The following CD300E variants were observed in gnomAD, a reference collection of about 807,000 sequenced individuals.
The protein encoded by CD300E is CMRF35-like molecule 2.
CD300E carries 14 observed loss-of-function variants against 20.9 expected under a neutral mutation model. The ratio of observed to expected loss-of-function variants is 0.67; its 90% CI spans 0.44 to 1.05. CD300E has a LOEUF of 1.05. Among genes scored for constraint, CD300E ranks in the 50% least tolerant of loss-of-function variants. CD300E has a pLI of 0.00. For synonymous variants in CD300E, 102 were observed against 103.7 expected (o/e 0.98, Z 0.10); for missense variants, 237 against 253.9 (o/e 0.93, Z 0.45).
At chr17:74,623,503 G>A (rs780748011) in intron 1 of CD300E, 79 bp downstream of exon 1, 8 of 1,439,840 alleles carry the variant, frequency 5.6e-6, no homozygotes, top group Admixed American at 3.7e-5. Flanking sequence ...TTCACCTCTG[G>A]TTTGAACCCA....
Position 74,617,077 on chromosome 17 carries a change from C to A in CD300E, c.388+41G>T, listed in dbSNP as rs529737411. 170 of 1,563,250 alleles carry A rather than the reference C, an allele frequency of 1.1e-4. 2 individuals are homozygous for A. The South Asian group carries it at 1.8e-3, about 17-fold the overall frequency. On this transcript the variant is annotated intron_variant, in intron 2 of 3. Coordinates refer to ENST00000392619, the MANE Select transcript of CD300E (RefSeq NM_181449.3). ...GCCCACCCTTGTTCCCTTGTCCAGT[C>A]GCACCCCAAACCCTGCTGCCAAAGT...
rs2143363331 is a variant in CD300E, at chr17:74,617,145, C to T, written c.361G>A (p.Asp121Asn). 6.2e-7 allele frequency: 1 copy of T among 1,614,214 alleles called. No individual in the cohort carries two copies. The highest frequency in any genetic ancestry group is 8.5e-7 in the Non-Finnish European group (1 of 1,180,044). The change falls in exon 2 of 4, where the codon GAC (aspartate) becomes AAC (asparagine). Residue 121 changes from aspartate (D) to asparagine (N), a missense_variant. By Grantham distance (23) the Asp-to-Asn change is conservative. Transcript: ENST00000392619. ...GGGGAAACATACACCCTAACCAGGT[C>T]CGAGGGATCGCGTGACCATGAATCC... ...VLDSWSRDPS[D>N]LVRVYVSPAI...
intron 1 of CD300E, among the ~76,000 whole-genome samples, chr17:74,622,826 C>T (rs1012720000): frequency 1.1e-4 from 17 of 152,122 alleles, no homozygotes; most frequent in African/African-American, 4.1e-4. Flanking sequence ...CAACCTCCGC[C>T]TCCCAAGTTC....
Position 74,612,622 on chromosome 17 carries a change from G to T in CD300E, c.*31C>A. On this transcript the variant is annotated 3_prime_UTR_variant, in exon 4 of 4. Transcript: ENST00000392619. The stretch of plus-strand genomic sequence containing the variant: ...CCTGCACGGGGCACTCCTGGGGATG[G>T]GGCTCTGCAGGGCTTCGGGTCAGCC... 4 of 1,610,474 alleles carry T rather than the reference G, an allele frequency of 2.5e-6. No individual in the cohort carries two copies. Among genetic ancestry groups the T allele is most frequent in the Non-Finnish European group, 2.5e-6 (3 of 1,179,138 alleles).
At chr17:74,622,445 G>A (rs1212165328) in intron 1 of CD300E, among the ~76,000 whole-genome samples, 3 of 152,018 alleles carry the variant, frequency 2.0e-5, no homozygotes, top group Non-Finnish European at 1.5e-5. Context: ...CCTTTAAATC[G>A]CTGTCATTTT....
Position 74,617,434 on chromosome 17 carries a change from C to A in CD300E, c.72G>T (p.Val24=). 6.2e-7 allele frequency: 1 copy of A among 1,613,860 alleles called. No individual in the cohort carries two copies. The highest frequency in any genetic ancestry group is 1.1e-5 in the South Asian group (1 of 91,066). The stretch of plus-strand genomic sequence containing the variant: ...TCAGAGAGTCCCCCGCAGTGCCAGT[C>A]ACAGAGCCGGGGCCCTTCAGAGACA... ...GCLSLKGPGS[V]TGTAGDSLTV... Residue 24 remains valine, a synonymous_variant, in exon 2 of 4, where the codon GTG becomes GTT. Transcript: ENST00000392619.
intron 2 of CD300E, 22 bp from the exon 3 acceptor site, chr17:74,614,055 C>A: frequency 6.3e-7 from 1 of 1,584,678 alleles, no homozygotes; most frequent in Non-Finnish European, 8.7e-7. Flanking sequence ...GAAAATGATG[C>A]ATCAGCCGTG....
At chr17:74,620,341 G>C (rs951597644) in intron 1 of CD300E, among the ~76,000 whole-genome samples, 2 of 152,126 alleles carry the variant, frequency 1.3e-5, no homozygotes, top group African/African-American at 4.8e-5. Flanking sequence ...GCATAGTGGC[G>C]GGGGCCTATA....
rs2030808054 is a variant in CD300E at position 74,612,609 on chromosome 17, A to C, written c.*44T>G. On this transcript the variant is annotated 3_prime_UTR_variant, in exon 4 of 4. Coordinates refer to ENST00000392619, the MANE Select transcript of CD300E (RefSeq NM_181449.3). ...GAAAGGTTGACTCCCTGCACGGGGC[A>C]CTCCTGGGGATGGGGCTCTGCAGGG... The C allele has an allele frequency of 6.2e-7, 1 of 1,606,340 alleles. No homozygotes were observed. Among genetic ancestry groups the C allele is most frequent in the Non-Finnish European group, 8.5e-7 (1 of 1,177,702 alleles).
chr17:74,623,322 G>A (rs934169443), intron 1 of CD300E, among the ~76,000 whole-genome samples: 1 of 152,192 alleles, frequency 6.6e-6, no homozygotes, highest in Non-Finnish European at 1.5e-5. Context: ...TTGTATTGTA[G>A]TTAGTTGACT....
intron 2 of CD300E, among the ~76,000 whole-genome samples, chr17:74,616,545 A>G (rs1029909838): frequency 2.0e-5 from 3 of 152,108 alleles, no homozygotes; most frequent in Non-Finnish European, 4.4e-5. Flanking sequence ...CTTGTCAAGC[A>G]CAGGTAGAGG....
intron 1 of CD300E, chr17:74,619,304 G>A (rs1200385883): frequency 2.8e-6 from 1 of 352,992 alleles, no homozygotes; most frequent in Non-Finnish European, 5.7e-6. Flanking sequence ...GGAGAGCTTG[G>A]GGTTGTTCTT....
intron 2 of CD300E, among the ~76,000 whole-genome samples, chr17:74,615,079 C>T (rs536931524): frequency 4.6e-5 from 7 of 152,330 alleles, no homozygotes; most frequent in East Asian, 1.9e-4. Flanking sequence ...CATAAACAGA[C>T]GGACTCACTT....
chr17:74,619,908 C>A (rs2030984462), intron 1 of CD300E, among the ~76,000 whole-genome samples: 3 of 152,196 alleles, frequency 2.0e-5, no homozygotes. Context: ...CCAAACCTAG[C>A]AAATCTGGAA....
chr17:74,613,744 C>T (rs1330200347), intron 3 of CD300E, among the ~76,000 whole-genome samples, 181 bp downstream of exon 3: 1 of 152,190 alleles, frequency 6.6e-6, no homozygotes, highest in Non-Finnish European at 1.5e-5. Flanking sequence ...AAGGCGTTCA[C>T]AGCACAAGTG....
chr17:74,615,614 G>A (rs73995683), intron 2 of CD300E, among the ~76,000 whole-genome samples: 1,533 of 152,194 alleles, frequency 0.01, 23 homozygotes, highest in African/African-American at 0.034. Context: ...TAGACAGGGC[G>A]ACCAACTTTC....
chr17:74,620,486 T>C (rs1392324796), intron 1 of CD300E, among the ~76,000 whole-genome samples: 1 of 151,616 alleles, frequency 6.6e-6, no homozygotes, highest in East Asian at 1.9e-4. Flanking sequence ...ATAATCATAA[T>C]ACAAAAATTA....
intron 1 of CD300E, among the ~76,000 whole-genome samples, chr17:74,620,801 AG>A (rs1690905450): frequency 2.0e-5 from 3 of 152,168 alleles, no homozygotes. Context: ...GTGAGCTTAA[AG>A]AAAAAGATAA....
At chr17:74,621,960 T>C (rs2031031820) in intron 1 of CD300E, among the ~76,000 whole-genome samples, 1 of 152,128 alleles carries the variant, frequency 6.6e-6, no homozygotes, top group Admixed American at 6.6e-5. Flanking sequence ...TTTGCTCTTT[T>C]TAAATTTTTT....
Sources: gnomAD v4.1 joint callset for allele counts (sites outside exome capture counted in the v4.1 genomes callset) on GRCh38, gnomAD v4.1.1 for gene constraint, MANE v1.5 for transcripts, NCBI Gene and HGNC (gene_info 2026-07-23, HGNC 2026-07-21) for gene names.